The following SOX6 variants were observed in gnomAD, a reference collection of about 807,000 sequenced individuals.
SOX6 encodes SRY-box transcription factor 6.
Under a neutral mutation model 97.8 loss-of-function variants are expected in SOX6, and 11 were observed. The observed-to-expected ratio is 0.11, with a 90% confidence interval of 0.07 to 0.19. The LOEUF (loss-of-function observed/expected upper bound fraction) is 0.19. Among genes scored for constraint, SOX6 ranks in the 10% least tolerant of loss-of-function variants. The pLI is 1.00. For missense variants in SOX6, 810 were observed against 1,039.5 expected, an observed-to-expected ratio of 0.78 and a Z score of 3.04; for synonymous variants, 360 against 371.4, an observed-to-expected ratio of 0.97 and a Z score of 0.35.
chr11:16,293,894 C>G (rs921200506), intron 3 of SOX6, among the ~76,000 whole-genome samples: 3 of 151,964 alleles, frequency 2.0e-5, no homozygotes, highest in Non-Finnish European at 4.4e-5. Flanking sequence ...CTGAGGCTGT[C>G]AAAAACCCAG....
rs531632210 is a variant in SOX6, at chr11:16,021,919, T to C, written c.1624-6869A>G. Among the ~76,000 whole-genome samples the C allele has an allele frequency of 5.1e-4, 77 of 152,200 alleles. 1 individual carries two copies. Among genetic ancestry groups the C allele is most frequent in the African/African-American group, 1.6e-3 (67 of 41,546 alleles). ...CAATACTACAGAGAAAATACTATTG[T>C]TATCAACCAGAAGAAGGTGAGGTTC... On this transcript the variant is annotated intron_variant, in intron 12 of 15. Coordinates refer to ENST00000683767, the MANE Select transcript of SOX6 (RefSeq NM_001367873.1).
At chr11:16,285,924 T>C (rs138858519) in intron 3 of SOX6, among the ~76,000 whole-genome samples, 51 of 152,212 alleles carry the variant, frequency 3.4e-4, no homozygotes, top group Non-Finnish European at 5.9e-4. Flanking sequence ...GTATTTTCCA[T>C]TGTTAGAATT....
intron 13 of SOX6, among the ~76,000 whole-genome samples, chr11:16,011,929 C>A (rs61095638): frequency 0.015 from 2,316 of 152,130 alleles, 61 homozygotes; most frequent in African/African-American, 0.053. Flanking sequence ...CTTCTTAGCA[C>A]TTTTCTCCAT....
At chr11:16,014,817 C>T in intron 13 of SOX6, 125 bp downstream of exon 13, 1 of 858,444 alleles carries the variant, frequency 1.2e-6, no homozygotes. Flanking sequence ...GTGACATTTC[C>T]TTTGCTTTGC....
At chr11:16,186,191 C>A (rs2134105427) in intron 5 of SOX6, among the ~76,000 whole-genome samples, 1 of 152,244 alleles carries the variant, frequency 6.6e-6, no homozygotes. Context: ...AATTTGTATT[C>A]AATGACTTAC....
chr11:16,285,984 T>C (rs143785538), intron 3 of SOX6, among the ~76,000 whole-genome samples: 34 of 152,332 alleles, frequency 2.2e-4, no homozygotes, highest in Non-Finnish European at 4.1e-4. Flanking sequence ...AATACGTTTC[T>C]ATTATATGCC....
At chr11:16,313,893 T>G (rs1233718778) in intron 3 of SOX6, 2 of 151,956 alleles carry the variant, frequency 1.3e-5, no homozygotes, top group African/African-American at 4.8e-5. Flanking sequence ...AAACATTAAC[T>G]CTTAACAATT....
chr11:16,707,507 T>C (rs1418914552), intron 3 of SOX6, among the ~76,000 whole-genome samples: 2 of 152,214 alleles, frequency 1.3e-5, no homozygotes, highest in Non-Finnish European at 2.9e-5. Context: ...TAGTTTCTTA[T>C]AATGATTTAT....
At chr11:16,237,709 C>T (rs114389289) in intron 3 of SOX6, among the ~76,000 whole-genome samples, 1 of 152,112 alleles carries the variant, frequency 6.6e-6, no homozygotes, top group East Asian at 1.9e-4. Flanking sequence ...CCCCAAGACA[C>T]TCTTGGATTA....
chr11:16,518,261 G>C (rs1861004846), intron 4 of SOX6, among the ~76,000 whole-genome samples: 1 of 151,984 alleles, frequency 6.6e-6, no homozygotes, highest in East Asian at 1.9e-4. Context: ...CCTCCCTTCA[G>C]GGCTTTATTT....
intron 2 of SOX6, among the ~76,000 whole-genome samples, chr11:16,326,005 C>G (rs1021944956): frequency 6.6e-6 from 1 of 152,156 alleles, no homozygotes; most frequent in African/African-American, 2.4e-5. Flanking sequence ...GTGCCTTGAT[C>G]TTGGACTTCC....
chr11:16,714,909 T>C (rs1042630184), intron 2 of SOX6: 10 of 152,208 alleles, frequency 6.6e-5, no homozygotes, highest in African/African-American at 2.2e-4. Flanking sequence ...AACAGTCCTG[T>C]TGGAAAAGTT....
At chr11:16,670,568 T>A (rs960426213) in intron 3 of SOX6, among the ~76,000 whole-genome samples, 1 of 152,054 alleles carries the variant, frequency 6.6e-6, no homozygotes, top group Non-Finnish European at 1.5e-5. Context: ...CTGCAGTTAG[T>A]CCAAGGAGAG....
At chr11:16,203,362 C>G (rs1851989315) in intron 4 of SOX6, among the ~76,000 whole-genome samples, 1 of 152,102 alleles carries the variant, frequency 6.6e-6, no homozygotes, top group South Asian at 2.1e-4. Context: ...CAGCACTCTT[C>G]TACATGGCAA....
intron 9 of SOX6, among the ~76,000 whole-genome samples, chr11:16,056,266 T>A (rs921862919): frequency 6.6e-6 from 1 of 152,146 alleles, no homozygotes; most frequent in African/African-American, 2.4e-5. Context: ...GTCTGGGATG[T>A]CCACTTGTTT....
chr11:16,051,336 C>T (rs1013008011), intron 10 of SOX6, among the ~76,000 whole-genome samples: 4 of 151,966 alleles, frequency 2.6e-5, no homozygotes, highest in South Asian at 2.1e-4. Flanking sequence ...GGCCATATAA[C>T]GGGGGAAAGA....
At chr11:16,600,107 A>G (rs1036959965) in intron 4 of SOX6, among the ~76,000 whole-genome samples, 5 of 152,270 alleles carry the variant, frequency 3.3e-5, no homozygotes, top group African/African-American at 1.2e-4. Context: ...TGCAAGAGGC[A>G]ACCGCCTGCA....
intron 3 of SOX6, among the ~76,000 whole-genome samples, chr11:16,664,517 G>C (rs1847790775): frequency 6.6e-6 from 1 of 152,178 alleles, no homozygotes; most frequent in Admixed American, 6.5e-5. Flanking sequence ...AGCCAGAAGA[G>C]AATTACCCAT....
intron 10 of SOX6, among the ~76,000 whole-genome samples, chr11:16,050,502 A>G (rs1310588648): frequency 6.6e-6 from 1 of 152,188 alleles, no homozygotes; most frequent in Non-Finnish European, 1.5e-5. Flanking sequence ...TTCATGGTCT[A>G]TATTCTGGTC....
Sources: gnomAD v4.1 joint callset for allele counts (sites outside exome capture counted in the v4.1 genomes callset) on GRCh38, gnomAD v4.1.1 for gene constraint, MANE v1.5 for transcripts, NCBI Gene and HGNC (gene_info 2026-07-23, HGNC 2026-07-21) for gene names.